The following SUGCT variants were observed in gnomAD, a reference collection of about 807,000 sequenced individuals.
SUGCT encodes succinyl-CoA:glutarate CoA-transferase.
In SUGCT, 41 loss-of-function variants were observed where a neutral mutation model predicts 55.0. The ratio of observed to expected loss-of-function variants is 0.74; its 90% CI spans 0.58 to 0.97. SUGCT has a LOEUF of 0.97. SUGCT is among the 50% of genes least tolerant of loss of function. SUGCT has a pLI of 0.00. For missense variants in SUGCT, 568 were observed against 547.8 expected, an observed-to-expected ratio of 1.04 and a Z score of -0.37; for synonymous variants, 187 against 200.4, an observed-to-expected ratio of 0.93 and a Z score of 0.56.
chr7:40,456,463 G>A (rs1018107067), intron 10 of SUGCT, among the ~76,000 whole-genome samples: 1 of 152,310 alleles, frequency 6.6e-6, no homozygotes, highest in East Asian at 1.9e-4. Context: ...CAGCATTTGG[G>A]CTATACCAGT....
chr7:40,961,405 C>A, the SUGCT span, among the ~76,000 whole-genome samples: 1 of 152,150 alleles, frequency 6.6e-6, no homozygotes, highest in Non-Finnish European at 1.5e-5. Context: ...CTCCAGATAA[C>A]AGAACTCTAT....
At chr7:40,221,194 A>G (rs1351898860) in intron 6 of SUGCT, among the ~76,000 whole-genome samples, 1 of 152,014 alleles carries the variant, frequency 6.6e-6, no homozygotes, top group East Asian at 2.0e-4. Context: ...CAGGCAGATC[A>G]CCTGAGGTTA....
Position 40,274,569 on chromosome 7 carries a change from T to C in SUGCT, c.633T>C (p.Tyr211=), listed in dbSNP as rs749164338. The C allele has an allele frequency of 5.6e-6, 9 of 1,613,706 alleles. No individual in the cohort carries two copies. In the East Asian group the frequency reaches 6.7e-5, roughly 12 times the overall value. The change falls in exon 8 of 14, where the codon TAT becomes TAC. Residue 211 remains tyrosine (Y), a synonymous_variant. Coordinates refer to ENST00000335693, the MANE Select transcript of SUGCT (RefSeq NM_001193313.2). The stretch of plus-strand genomic sequence containing the variant: ...TGACTGATCTTGCCACTGGCCTGTA[T>C]GCATATGGAGCTATTATGGCTGGAT... The part of the protein sequence containing the change: ...VAMTDLATGL[Y]AYGAIMAGLI...
At chr7:40,631,005 A>C (rs1799765131) in intron 12 of SUGCT, among the ~76,000 whole-genome samples, 1 of 152,296 alleles carries the variant, frequency 6.6e-6, no homozygotes, top group East Asian at 1.9e-4. Flanking sequence ...ATTTGACCAC[A>C]TCATCTAGTA....
rs866227008 is a variant in SUGCT at position 40,217,591 on chromosome 7, C to T, written c.485-20044C>T. On this transcript the variant is annotated intron_variant, in intron 6 of 13. Coordinates refer to ENST00000335693, the MANE Select transcript of SUGCT (RefSeq NM_001193313.2). Reference sequence around the variant, plus strand: ...ATCAAAGCATCCCAGCATGTTGTGCCTTTCTCCCCATCCTCCTCTACTTTC... The same window carrying T: ...ATCAAAGCATCCCAGCATGTTGTGCTTTTCTCCCCATCCTCCTCTACTTTC... 10 of 284,556 alleles carry T rather than the reference C, an allele frequency of 3.5e-5. 1 individual carries two copies. The Middle Eastern group carries it at 3.7e-3, about 106-fold the overall frequency. The allele number at this position is 284,556 out of a possible 1,614,324, so 17.6% of individuals were successfully genotyped here. A position where few individuals can be genotyped will look rare whatever the true frequency, so the allele number is the denominator to read the frequency against.
Position 40,176,805 on chromosome 7 carries a change from T to C in SUGCT, c.101-4142T>C, listed in dbSNP as rs11982001. On this transcript the variant is annotated intron_variant, in intron 1 of 13. Coordinates refer to ENST00000335693, the MANE Select transcript of SUGCT (RefSeq NM_001193313.2). ...CTGGCCAACATGGCGAAACCCCGTC[T>C]CTACTAAAAATACAAAAATTAACTG... Among the ~76,000 whole-genome samples the C allele has an allele frequency of 1.2e-3, 183 of 151,980 alleles. 2 individuals carry two copies. The highest frequency in any genetic ancestry group is 4.3e-3 in the African/African-American group (177 of 41,456).
intron 6 of SUGCT, among the ~76,000 whole-genome samples, chr7:40,227,388 T>A (rs995166652): frequency 4.6e-5 from 7 of 151,954 alleles, no homozygotes; most frequent in African/African-American, 1.7e-4. Context: ...CCCAGCCCAA[T>A]AATGATAATT....
chr7:40,273,017 G>A (rs1792200198), intron 7 of SUGCT, among the ~76,000 whole-genome samples: 1 of 152,082 alleles, frequency 6.6e-6, no homozygotes, highest in African/African-American at 2.4e-5. Context: ...ATGCAGTTCA[G>A]AACTTTGTTG....
At position 40,564,589 on chromosome 7, in the gene SUGCT, C is replaced by T. The variant is rs76720195; in HGVS notation, c.1089+68203C>T. Among the ~76,000 whole-genome samples, 1,231 of 152,284 alleles carry T rather than the reference C, an allele frequency of 8.1e-3. 8 individuals carry two copies. Among genetic ancestry groups the T allele is most frequent in the Non-Finnish European group, 0.013 (864 of 68,008 alleles). Reference sequence around the variant, plus strand: ...CTGTCATGAAACAGAATCTCAATTTCTTTTCCTACTGGAGATATGTCTGTC... The same window carrying T: ...CTGTCATGAAACAGAATCTCAATTTTTTTTCCTACTGGAGATATGTCTGTC... On this transcript the variant is annotated intron_variant, in intron 12 of 13. Transcript: ENST00000335693.
intron 13 of SUGCT, among the ~76,000 whole-genome samples, chr7:40,774,584 ACT>A (rs1184739984): frequency 1.3e-5 from 2 of 152,138 alleles, no homozygotes; most frequent in African/African-American, 4.8e-5. Context: ...GGCCAAAAAC[ACT>A]GTCTTGCCGA....
At chr7:40,779,994 A>G (rs929809910) in intron 13 of SUGCT, among the ~76,000 whole-genome samples, 5 of 152,348 alleles carry the variant, frequency 3.3e-5, no homozygotes, top group African/African-American at 9.6e-5. Flanking sequence ...ATTGACGATC[A>G]TCATACTCTC....
chr7:40,319,337 A>G (rs1021211663), intron 9 of SUGCT, among the ~76,000 whole-genome samples: 6 of 152,192 alleles, frequency 3.9e-5, no homozygotes, highest in African/African-American at 1.4e-4. Flanking sequence ...TGGGTCCTAG[A>G]TATGCTTAGA....
chr7:40,171,938 T>C (rs1157700537), intron 1 of SUGCT, among the ~76,000 whole-genome samples: 2 of 152,208 alleles, frequency 1.3e-5, no homozygotes, highest in Non-Finnish European at 2.9e-5. Context: ...GTATATACTG[T>C]TTTTTCTTTA....
intron 12 of SUGCT, among the ~76,000 whole-genome samples, chr7:40,743,990 T>C (rs1321995774): frequency 1.3e-5 from 2 of 152,136 alleles, no homozygotes; most frequent in African/African-American, 2.4e-5. Context: ...AGCACAATCT[T>C]GACTCACTGC....
At chr7:40,834,735 G>T (rs1792872444) in intron 13 of SUGCT, among the ~76,000 whole-genome samples, 1 of 152,142 alleles carries the variant, frequency 6.6e-6, no homozygotes, top group South Asian at 2.1e-4. Flanking sequence ...AAGACTTATA[G>T]CTATAGAACA....
intron 12 of SUGCT, among the ~76,000 whole-genome samples, chr7:40,503,009 T>G (rs1792374170): frequency 6.6e-6 from 1 of 152,156 alleles, no homozygotes; most frequent in Non-Finnish European, 1.5e-5. Context: ...AAGCTTTTAC[T>G]CAAACAAATG....
intron 9 of SUGCT, among the ~76,000 whole-genome samples, chr7:40,354,412 G>A (rs1449142639): frequency 6.6e-6 from 1 of 152,198 alleles, no homozygotes; most frequent in Non-Finnish European, 1.5e-5. Flanking sequence ...AGCCAGTAAG[G>A]GAACTGTGGA....
intron 7 of SUGCT, among the ~76,000 whole-genome samples, chr7:40,243,824 A>G (rs2150901724): frequency 6.6e-6 from 1 of 152,350 alleles, no homozygotes. Context: ...TAACATCTTC[A>G]GAATCTATTT....
At chr7:41,011,481 C>G in the SUGCT span, among the ~76,000 whole-genome samples, 1 of 152,192 alleles carries the variant, frequency 6.6e-6, no homozygotes, top group Non-Finnish European at 1.5e-5. Flanking sequence ...GTGTGGTACC[C>G]CAACTGGGGT....
Sources: gnomAD v4.1 joint callset for allele counts (sites outside exome capture counted in the v4.1 genomes callset) on GRCh38, gnomAD v4.1.1 for gene constraint, MANE v1.5 for transcripts, NCBI Gene and HGNC (gene_info 2026-07-23, HGNC 2026-07-21) for gene names.